Variants in ZNF217 observed in about 807,000 individuals in gnomAD.
ZNF217 encodes zinc finger protein 217.
ZNF217 carries 12 observed loss-of-function variants against 73.3 expected under a neutral mutation model. The observed-to-expected ratio is 0.16, with a 90% CI of 0.10 to 0.27. ZNF217 has a LOEUF of 0.27. Among genes scored for constraint, ZNF217 ranks in the 10% least tolerant of loss-of-function variants. The pLI, the probability that ZNF217 is intolerant of heterozygous loss-of-function variation, is 1.00. For synonymous variants in ZNF217, 588 were observed against 516.4 expected, an observed-to-expected ratio of 1.14 and a Z score of -1.88; for missense variants, 1,195 against 1,327.8, an observed-to-expected ratio of 0.90 and a Z score of 1.55.
chr20:53,589,869 T>TC (rs939591200), intron 1 of ZNF217, among the ~76,000 whole-genome samples: 4 of 152,026 alleles, frequency 2.6e-5, no homozygotes, highest in African/African-American at 7.3e-5. Flanking sequence ...ATTTTTTTTT[T>TC]CTTCCATGTG....
At chr20:53,570,868 G>C (rs890389774) in intron 5 of ZNF217, among the ~76,000 whole-genome samples, 1 of 152,198 alleles carries the variant, frequency 6.6e-6, no homozygotes, top group South Asian at 2.1e-4. Context: ...CCTCTCACAG[G>C]CAGAGCGGGG....
At chr20:53,585,032 T>C (rs1478027555) in intron 1 of ZNF217, among the ~76,000 whole-genome samples, 1 of 145,982 alleles carries the variant, frequency 6.9e-6, no homozygotes, top group Non-Finnish European at 1.5e-5. Context: ...TAGGCAATAG[T>C]GGAGTTTTTT....
chr20:53,575,187 A>G (rs1988201504), intron 4 of ZNF217: 1 of 152,244 alleles, frequency 6.6e-6, no homozygotes, highest in African/African-American at 2.4e-5. Flanking sequence ...CTACAAAAAA[A>G]TAAATTTAAG....
chr20:53,594,869 A>T (rs984979607), upstream of ZNF217, among the ~76,000 whole-genome samples: 5 of 152,098 alleles, frequency 3.3e-5, no homozygotes, highest in Admixed American at 1.3e-4. Flanking sequence ...CGAGAAGATA[A>T]ACAGTTTTTA....
At position 53,577,165 on chromosome 20, in the gene ZNF217, G is replaced by A; in HGVS notation, c.1599C>T (p.Val533=). Residue 533 remains valine, a synonymous_variant, in exon 4 of 6, where the codon GTC becomes GTT. Transcript: ENST00000371471. ...TGTCCTGATTTTTACCATCGTTCTT[G>A]ACTTCAGCAGCAACATCGGTTTGTT... ...KEKQTDVAAE[V]KNDGKNQDTE... is the part of the protein sequence containing the mutation. 6.2e-7 allele frequency: 1 copy of A among 1,613,870 alleles called. No individual in the cohort carries two copies. Among genetic ancestry groups the A allele is most frequent in the Non-Finnish European group, 8.5e-7 (1 of 1,180,042 alleles).
In ZNF217 at chr20:53,582,395, C is replaced by T. The variant is rs1411401630; in HGVS notation, c.432G>A (p.Glu144=). The change falls in exon 2 of 6, where the codon GAG becomes GAA. Residue 144 remains glutamate, a synonymous_variant. Transcript: ENST00000371471. The surrounding 1 kb of genome is among the most constrained non-coding windows in gnomAD (Gnocchi z 4.8). ...AATCTTTGTGTGTTCTCATGTGGAT[C>T]TCAACATCAAAAGCGACTCTAAATG... ...GQTFRVAFDV[E]IHMRTHKDSF... is the part of the protein sequence containing the mutation. 6.5e-7 allele frequency: 1 copy of T among 1,538,638 alleles called. No individual in the cohort carries two copies. The highest frequency in any genetic ancestry group is 1.7e-5 in the Admixed American group (1 of 58,946).
rs1239960335 is a variant in ZNF217 at position 53,582,718 on chromosome 20, C to T, written c.109G>A (p.Ala37Thr). The change falls in exon 2 of 6, where the codon GCC (alanine) becomes ACC (threonine). Residue 37 changes from alanine (A) to threonine (T), a missense_variant. Physicochemically the swap from Ala to Thr is moderately conservative, Grantham distance 58. This residue lies in a region of ZNF217 where 147 missense variants were observed against 184.3 expected (regional missense o/e 0.80). Transcript: ENST00000371471. This position sits in a 1 kb window ranked among gnomAD's most constrained non-coding sequence, Gnocchi z 4.8. The stretch of plus-strand genomic sequence containing the variant: ...ACAGCGGTCCCTTTCATTGACAAGG[C>T]ATCCTCCATCTCCATCGGACTGCCA... ...SLGSPMEMED[A>T]LSMKGTAVVP... 1.9e-6 allele frequency: 3 copies of T among 1,614,024 alleles called. No homozygotes were observed. The highest frequency in any genetic ancestry group is 2.2e-5 in the East Asian group (1 of 44,900).
Position 53,576,437 on chromosome 20 carries a change from G to T in ZNF217, c.2327C>A (p.Pro776His). The T allele has an allele frequency of 6.2e-7, 1 of 1,614,170 alleles. No homozygotes were observed. Among genetic ancestry groups the T allele is most frequent in the South Asian group, 1.1e-5 (1 of 91,084 alleles). The change falls in exon 4 of 6, where the codon CCC becomes CAC. Residue 776 changes from proline to histidine, a missense_variant. This residue lies in a region of ZNF217 where 649 missense variants were observed against 642.8 expected (regional missense o/e 1.01). Coordinates refer to ENST00000371471, the MANE Select transcript of ZNF217 (RefSeq NM_006526.3). ...PPLSSFCKPK[P>H]KSAFPAQSKS... ...GGACTGCGCCGGGAAAGCAGACTTG[G>T]GCTTGGGTTTACAGAAACTAGAGAG...
At position 53,581,427 on chromosome 20, in the gene ZNF217, C is replaced by T. The variant is rs147881038; in HGVS notation, c.1366+34G>A. ...AGACGGGGAGACAGACAGACACAGG[C>T]GGAACAGCACGGGACGGAGACAGGG... On this transcript the variant is annotated intron_variant, in intron 2 of 5. Transcript: ENST00000371471. This position sits in a 1 kb window ranked among gnomAD's most constrained non-coding sequence, Gnocchi z 4.9. The T allele has an allele frequency of 2.9e-4, 452 of 1,562,676 alleles. No individual in the cohort carries two copies. In the African/African-American group the frequency reaches 5.3e-3, roughly 18 times the overall value.
At chr20:53,574,388 C>CG (rs1988150743) in intron 4 of ZNF217, 1 of 152,214 alleles carries the variant, frequency 6.6e-6, no homozygotes, top group Admixed American at 6.5e-5. Context: ...CCTTACTGGG[C>CG]GCCCCCTATT....
chr20:53,579,607 G>A (rs997142976), intron 2 of ZNF217, among the ~76,000 whole-genome samples: 3 of 152,142 alleles, frequency 2.0e-5, no homozygotes, highest in Admixed American at 2.0e-4. Flanking sequence ...GGTATGTTGC[G>A]TCATATCCAA....
intron 2 of ZNF217, among the ~76,000 whole-genome samples, chr20:53,580,504 T>C (rs893048067): frequency 6.6e-6 from 1 of 152,206 alleles, no homozygotes; most frequent in Non-Finnish European, 1.5e-5. Context: ...TAAACTCTGA[T>C]AGGAGAAGCT....
rs796469170 is a variant in ZNF217, at chr20:53,567,339, A to T, written c.*1949T>A. On this transcript the variant is annotated 3_prime_UTR_variant, in exon 6 of 6. Transcript: ENST00000371471. ...CTGATGGACACAAAAACATATTTTG[A>T]AGTACAAAGGGCTGTAGGAAAATAA... The T allele has an allele frequency of 6.6e-6, 1 of 152,670 alleles. No individual in the cohort carries two copies. The highest frequency in any genetic ancestry group is 1.5e-5 in the Non-Finnish European group (1 of 68,044). The allele number at this position is 152,670 out of a possible 1,614,324, so 9.5% of individuals were successfully genotyped here. A position where few individuals can be genotyped will look rare whatever the true frequency, so the allele number is the denominator to read the frequency against.
chr20:53,582,041 C>T lies in ZNF217; in HGVS notation c.786G>A (p.Arg262=), dbSNP rs192030059. Residue 262 remains arginine (R), a synonymous_variant, in exon 2 of 6, where the codon AGG becomes AGA. Transcript: ENST00000371471. This position sits in a 1 kb window ranked among gnomAD's most constrained non-coding sequence, Gnocchi z 4.8. ...DSPQGGMPSS[R]EDFLQLFNLR... ...AGTTGAACAACTGCAGGAAGTCCTCCCTCGAGGACGGCATTCCTCCTTGTG... is the reference window on the plus strand; with the variant it reads ...AGTTGAACAACTGCAGGAAGTCCTCTCTCGAGGACGGCATTCCTCCTTGTG... 6.2e-7 allele frequency: 1 copy of T among 1,614,198 alleles called. No homozygotes were observed. Among genetic ancestry groups the T allele is most frequent in the Non-Finnish European group, 8.5e-7 (1 of 1,180,040 alleles).
At chr20:53,590,604 A>G (rs1988844110) in intron 1 of ZNF217, among the ~76,000 whole-genome samples, 1 of 152,124 alleles carries the variant, frequency 6.6e-6, no homozygotes, top group Admixed American at 6.5e-5. Context: ...CTGTGAGAAA[A>G]GAATGTAATT....
At chr20:53,578,519 A>C (rs574477691) in intron 2 of ZNF217, 69 bp from the exon 3 acceptor site, 172 of 957,706 alleles carry the variant, frequency 1.8e-4, no homozygotes, top group East Asian at 1.6e-4. Context: ...ATGCTGACTT[A>C]AATATTCTTG....
At chr20:53,578,774 A>AGGAGCAG (rs1988379202) in intron 2 of ZNF217, among the ~76,000 whole-genome samples, 2 of 152,216 alleles carry the variant, frequency 1.3e-5, no homozygotes, top group Non-Finnish European at 2.9e-5. Context: ...TCCGGTTCTC[A>AGGAGCAG]GTGTCTCTGA....
At chr20:53,569,429 C>T (rs41274704) in intron 5 of ZNF217, among the ~76,000 whole-genome samples, 165 bp from the exon 6 acceptor site, 3,460 of 152,282 alleles carry the variant, frequency 0.023, 121 homozygotes, top group East Asian at 0.14. Flanking sequence ...GTCGCCCAGG[C>T]TGGAGTGCAG....
rs777241977 is a variant in ZNF217 at position 53,581,743 on chromosome 20, C to A, written c.1084G>T (p.Asp362Tyr). The change falls in exon 2 of 6, where the codon GAC becomes TAC. Residue 362 changes from aspartate to tyrosine, a missense_variant. Physicochemically the swap from Asp to Tyr is radical, Grantham distance 160 (BLOSUM62 -3). Transcript: ENST00000371471. The surrounding 1 kb of genome is among the most constrained non-coding windows in gnomAD (Gnocchi z 4.9). ...CTACTGGGTAACTTGGGATCCGCGT[C>A]CACGGAGGGCGCTTCGCCGTGGGAG... The part of the protein sequence containing the change: ...KHSHGEAPSV[D>Y]ADPKLPSSKE... 46 of 1,614,140 alleles carry A rather than the reference C, an allele frequency of 2.8e-5. No individual in the cohort carries two copies. In the Admixed American group the frequency reaches 7.3e-4, roughly 26 times the overall value.
Sources: allele counts gnomAD v4.1 joint callset (sites outside exome capture counted in the v4.1 genomes callset), GRCh38; gene constraint gnomAD v4.1.1; regional missense constraint gnomAD v4.1.1; non-coding constraint Gnocchi (gnomAD v3.1); transcripts MANE v1.5; gene names NCBI Gene and HGNC (gene_info 2026-07-23, HGNC 2026-07-21).